Variants in VEPH1 observed in about 807,000 individuals in gnomAD.
VEPH1 encodes ventricular zone-expressed PH domain-containing protein homolog 1.
A neutral mutation model predicts 85.2 loss-of-function variants in VEPH1; 80 were observed. The observed-to-expected ratio is 0.94, with a 90% confidence interval of 0.78 to 1.13. The LOEUF is 1.13. Ranked by LOEUF, VEPH1 falls within the 50% of genes most tolerant of loss-of-function variation. The probability of loss-of-function intolerance (pLI) is 0.00; values close to 1 mark genes in which losing one functional copy is unlikely to be tolerated. For missense variants in VEPH1, 955 were observed against 980.5 expected, an observed-to-expected ratio of 0.97 and a Z score of 0.35; for synonymous variants, 297 against 348.0, an observed-to-expected ratio of 0.85 and a Z score of 1.63.
intron 4 of VEPH1, chr3:157,436,808 C>T: frequency 1.7e-6 from 2 of 1,162,208 alleles, no homozygotes; most frequent in South Asian, 1.6e-5. Flanking sequence ...CCCATTCAGG[C>T]TTTCCTCAGC....
chr3:157,262,701 A>G (rs535910024), intron 13 of VEPH1, among the ~76,000 whole-genome samples: 2 of 152,318 alleles, frequency 1.3e-5, no homozygotes, highest in East Asian at 1.9e-4. Context: ...AATATTTACA[A>G]TTCAACAGAA....
rs1712678528 is a variant in VEPH1, at chr3:157,259,978, G to C, written c.*1156C>G. 1 of 152,156 alleles carries C rather than the reference G, an allele frequency of 6.6e-6. No homozygotes were observed. The highest frequency in any genetic ancestry group is 1.5e-5 in the Non-Finnish European group (1 of 68,020). 9.4% of individuals were successfully genotyped at this position (152,156 alleles called of 1,614,324 possible). On this transcript the variant is annotated 3_prime_UTR_variant, in exon 14 of 14. Coordinates refer to ENST00000362010, the MANE Select transcript of VEPH1 (RefSeq NM_001167912.2). ...CAGCTTGCTTATTTAAGGCTAATAG[G>C]AGAGAGAGTCTCTGACTGGTTCACT...
intron 9 of VEPH1, among the ~76,000 whole-genome samples, chr3:157,323,774 C>A (rs375908125): frequency 6.6e-6 from 1 of 151,992 alleles, no homozygotes; most frequent in African/African-American, 2.4e-5. Flanking sequence ...TGTACAAAGA[C>A]CTATGCTTTG....
intron 6 of VEPH1, among the ~76,000 whole-genome samples, chr3:157,387,864 G>A (rs924441086): frequency 6.6e-6 from 1 of 152,194 alleles, no homozygotes; most frequent in Non-Finnish European, 1.5e-5. Flanking sequence ...TGATTCAGAT[G>A]TGCAGCCAAA....
chr3:157,418,379 T>A (rs558695917), intron 5 of VEPH1, among the ~76,000 whole-genome samples: 2 of 152,200 alleles, frequency 1.3e-5, no homozygotes, highest in African/African-American at 2.4e-5. Flanking sequence ...CCAGACCATG[T>A]GCACCTTGAG....
intron 9 of VEPH1, among the ~76,000 whole-genome samples, chr3:157,317,515 G>A (rs1311454378): frequency 6.6e-6 from 1 of 152,190 alleles, no homozygotes; most frequent in Non-Finnish European, 1.5e-5. Context: ...ATACCTTGAA[G>A]TGATAACCTG....
intron 2 of VEPH1, among the ~76,000 whole-genome samples, chr3:157,487,212 T>A (rs1738732676): frequency 6.6e-6 from 1 of 152,010 alleles, no homozygotes; most frequent in African/African-American, 2.4e-5. Flanking sequence ...ATACAGATGA[T>A]CAATAAATCA....
intron 9 of VEPH1, among the ~76,000 whole-genome samples, chr3:157,358,904 G>T (rs1725742971): frequency 6.6e-6 from 1 of 152,100 alleles, no homozygotes; most frequent in Non-Finnish European, 1.5e-5. Flanking sequence ...GCTGAGGCAG[G>T]AGAATCACTT....
chr3:157,459,329 G>A (rs1456101), intron 4 of VEPH1, among the ~76,000 whole-genome samples: 57,901 of 151,992 alleles, frequency 0.38, 11,189 homozygotes, highest in South Asian at 0.44. Flanking sequence ...CTTGGGGATT[G>A]GTCTGGATAC....
At chr3:157,285,941 G>T (rs1211302337) in intron 12 of VEPH1, among the ~76,000 whole-genome samples, 1 of 152,136 alleles carries the variant, frequency 6.6e-6, no homozygotes, top group East Asian at 1.9e-4. Context: ...TAAGAGTATT[G>T]CAAGGACTGA....
intron 4 of VEPH1, among the ~76,000 whole-genome samples, chr3:157,435,698 T>C (rs1173840954): frequency 1.3e-5 from 2 of 152,200 alleles, no homozygotes; most frequent in Non-Finnish European, 2.9e-5. Flanking sequence ...TGCTTTCCTC[T>C]CTATCTTTGG....
chr3:157,272,988 G>A (rs1714914916), intron 12 of VEPH1, among the ~76,000 whole-genome samples: 1 of 152,162 alleles, frequency 6.6e-6, no homozygotes, highest in African/African-American at 2.4e-5. Flanking sequence ...ACATGGTGGT[G>A]ATTCCCTTAT....
intron 2 of VEPH1, among the ~76,000 whole-genome samples, chr3:157,471,976 G>A (rs1172685352): frequency 2.0e-5 from 3 of 152,042 alleles, no homozygotes; most frequent in South Asian, 4.1e-4. Context: ...AAATTCAAAA[G>A]ATGCAAAGAA....
intron 7 of VEPH1, 78 bp from the exon 8 acceptor site, chr3:157,364,590 C>A: frequency 7.3e-7 from 1 of 1,360,832 alleles, no homozygotes; most frequent in Non-Finnish European, 1.0e-6. Context: ...ATTTAACTGC[C>A]TCTCACTCAG....
At chr3:157,321,880 G>T (rs575950876) in intron 9 of VEPH1, among the ~76,000 whole-genome samples, 1 of 152,132 alleles carries the variant, frequency 6.6e-6, no homozygotes, top group South Asian at 2.1e-4. Context: ...CTCCATGAGG[G>T]TAATGATTTT....
intron 13 of VEPH1, among the ~76,000 whole-genome samples, chr3:157,265,239 C>T (rs1047174366): frequency 2.6e-5 from 4 of 152,092 alleles, no homozygotes; most frequent in Non-Finnish European, 5.9e-5. Flanking sequence ...ACGTGGTCCA[C>T]AAGGAAACAA....
At chr3:157,483,768 C>T (rs576739753) in intron 2 of VEPH1, among the ~76,000 whole-genome samples, 12 of 151,994 alleles carry the variant, frequency 7.9e-5, no homozygotes, top group African/African-American at 1.2e-4. Flanking sequence ...GATAGGAGGG[C>T]GATGATTTTG....
At chr3:157,382,149 A>G (rs1460685655) in intron 6 of VEPH1, among the ~76,000 whole-genome samples, 1 of 152,176 alleles carries the variant, frequency 6.6e-6, no homozygotes, top group African/African-American at 2.4e-5. Context: ...TTTCTCACTG[A>G]CTTGTTAACT....
rs746460788 is a variant in VEPH1 at position 157,495,351 on chromosome 3, G to T, written c.-2C>A. ...AACCAGTCTGAACAGTTGATGCATG[G>T]TGAGGATGAGTTTGATCAGTTGACT... On this transcript the variant is annotated 5_prime_UTR_variant, in exon 2 of 14. Coordinates refer to ENST00000362010, the MANE Select transcript of VEPH1 (RefSeq NM_001167912.2). 2 of 1,613,724 alleles carry T rather than the reference G, an allele frequency of 1.2e-6. No homozygotes were observed. The highest frequency in any genetic ancestry group is 1.7e-6 in the Non-Finnish European group (2 of 1,179,768).
Sources: gnomAD v4.1 joint callset for allele counts (sites outside exome capture counted in the v4.1 genomes callset) on GRCh38, gnomAD v4.1.1 for gene constraint, MANE v1.5 for transcripts, NCBI Gene and HGNC (gene_info 2026-07-23, HGNC 2026-07-21) for gene names.